The following EPHA6 variants were observed in gnomAD, a reference collection of about 807,000 sequenced individuals.
The protein encoded by EPHA6 is EPH receptor A6.
EPHA6 carries 50 observed loss-of-function variants against 112.0 expected under a neutral mutation model. The observed-to-expected ratio is 0.45, with a 90% CI of 0.36 to 0.56. The LOEUF (loss-of-function observed/expected upper bound fraction) is 0.56, where lower values mean the gene tolerates loss of function less well. Among genes scored for constraint, EPHA6 ranks in the 20% least tolerant of loss-of-function variants. EPHA6 has a pLI of 0.00. For missense variants in EPHA6, 1,280 were observed against 1,417.4 expected (o/e 0.90, Z 1.56); for synonymous variants, 529 against 490.7 (o/e 1.08, Z -1.03).
chr3:97,667,583 T>C (rs1260236368), intron 14 of EPHA6, among the ~76,000 whole-genome samples: 1 of 152,220 alleles, frequency 6.6e-6, no homozygotes, highest in Admixed American at 6.5e-5. Flanking sequence ...CCATTTACAA[T>C]TTAATTTAAA....
At chr3:97,222,790 A>C (rs2078245477) in intron 3 of EPHA6, among the ~76,000 whole-genome samples, 1 of 152,250 alleles carries the variant, frequency 6.6e-6, no homozygotes, top group Non-Finnish European at 1.5e-5. Context: ...GAGCACCTAC[A>C]TTATAACAAG....
chr3:97,720,089 G>A (rs1251334918), intron 14 of EPHA6, among the ~76,000 whole-genome samples, 172 bp from the exon 15 acceptor site: 1 of 152,086 alleles, frequency 6.6e-6, no homozygotes, highest in Non-Finnish European at 1.5e-5. Context: ...ATAATTATAG[G>A]AAATGTTTCT....
At chr3:96,826,027 C>T (rs1468207556) in intron 1 of EPHA6, among the ~76,000 whole-genome samples, 1 of 151,392 alleles carries the variant, frequency 6.6e-6, no homozygotes, top group African/African-American at 2.4e-5. Flanking sequence ...ATTGCAACAC[C>T]CTATTGCAGG....
intron 5 of EPHA6, among the ~76,000 whole-genome samples, chr3:97,374,905 G>A (rs1382705085): frequency 6.6e-6 from 1 of 151,954 alleles, no homozygotes; most frequent in African/African-American, 2.4e-5. Flanking sequence ...ACAATTTCTG[G>A]TTGGGGTTTG....
intron 2 of EPHA6, among the ~76,000 whole-genome samples, chr3:96,913,607 G>A (rs2039342038): frequency 6.6e-6 from 1 of 152,054 alleles, no homozygotes; most frequent in Non-Finnish European, 1.5e-5. Context: ...ATAATAAATT[G>A]TGAGCTGAGA....
At chr3:97,087,031 T>C (rs1245432284) in intron 3 of EPHA6, among the ~76,000 whole-genome samples, 26 of 152,168 alleles carry the variant, frequency 1.7e-4, no homozygotes, top group Admixed American at 1.6e-3. Flanking sequence ...CCTGTGGGCA[T>C]GTCACAAAGC....
At chr3:97,203,646 CA>C (rs914926948) in intron 3 of EPHA6, among the ~76,000 whole-genome samples, 2 of 151,706 alleles carry the variant, frequency 1.3e-5, no homozygotes, top group Non-Finnish European at 2.9e-5. Context: ...AGGGAAAAAA[CA>C]AAAAAACAGT....
At chr3:96,952,589 AAAGTT>A (rs1323904181) in intron 2 of EPHA6, among the ~76,000 whole-genome samples, 1 of 152,208 alleles carries the variant, frequency 6.6e-6, no homozygotes, top group Non-Finnish European at 1.5e-5. Flanking sequence ...TGAGCAAAAT[AAAGTT>A]ATTTTCTTAT....
chr3:97,071,742 T>C (rs1438071165), intron 3 of EPHA6, among the ~76,000 whole-genome samples: 11 of 152,024 alleles, frequency 7.2e-5, no homozygotes, highest in Admixed American at 3.3e-4. Context: ...TTTATTTCCA[T>C]AGGTTTTGAG....
intron 3 of EPHA6, among the ~76,000 whole-genome samples, chr3:97,109,138 G>A (rs114469388): frequency 1.9e-3 from 289 of 152,204 alleles, no homozygotes; most frequent in Middle Eastern, 6.8e-3. Flanking sequence ...TATTTGATTC[G>A]GGTTATAAAT....
intron 10 of EPHA6, among the ~76,000 whole-genome samples, chr3:97,500,040 T>C (rs1044707095): frequency 6.6e-6 from 1 of 152,170 alleles, no homozygotes. Context: ...TAAAAGATTA[T>C]CCTTATTTAT....
chr3:97,168,165 A>G (rs1446201806), intron 3 of EPHA6, among the ~76,000 whole-genome samples: 1 of 152,174 alleles, frequency 6.6e-6, no homozygotes, highest in Non-Finnish European at 1.5e-5. Flanking sequence ...ATCAATTGTT[A>G]TAAAGTTATT....
At chr3:96,893,875 C>T (rs2038116991) in intron 2 of EPHA6, among the ~76,000 whole-genome samples, 1 of 152,122 alleles carries the variant, frequency 6.6e-6, no homozygotes, top group South Asian at 2.1e-4. Flanking sequence ...ATGTTCATTA[C>T]ATGATGGAAA....
At chr3:97,202,645 T>C (rs1332733010) in intron 3 of EPHA6, among the ~76,000 whole-genome samples, 4 of 152,098 alleles carry the variant, frequency 2.6e-5, no homozygotes, top group Non-Finnish European at 5.9e-5. Flanking sequence ...GATATATGTC[T>C]TCTTTAGTGA....
In EPHA6 at chr3:96,866,876, A is replaced by T; in HGVS notation, c.437A>T (p.Tyr146Phe). The change falls in exon 2 of 18, where the codon TAT becomes TTT. Residue 146 changes from tyrosine to phenylalanine, a missense_variant. By Grantham distance (22) the Tyr-to-Phe change is conservative (BLOSUM62 3). Transcript: ENST00000389672. Reference sequence around the variant, plus strand: ...CTGGGAGAGCTAGGATGGAAAACATATCCATTAAATGGGGTAAGTTTAAAT... The same window carrying T: ...CTGGGAGAGCTAGGATGGAAAACATTTCCATTAAATGGGGTAAGTTTAAAT... ...TVLGELGWKT[Y>F]PLNGWDAITE... is the part of the protein sequence containing the mutation. 6.8e-7 allele frequency: 1 copy of T among 1,476,640 alleles called. No individual in the cohort carries two copies. Among genetic ancestry groups the T allele is most frequent in the South Asian group, 1.4e-5 (1 of 71,348 alleles). 91.5% of individuals were successfully genotyped at this position (1,476,640 alleles called of 1,614,324 possible).
At chr3:96,891,690 CAA>C (rs567489352) in intron 2 of EPHA6, among the ~76,000 whole-genome samples, 28 of 152,180 alleles carry the variant, frequency 1.8e-4, no homozygotes, top group Non-Finnish European at 3.4e-4. Flanking sequence ...GCATGGGCAA[CAA>C]GAGTGGAACT....
At chr3:97,063,296 T>G (rs1039135716) in intron 3 of EPHA6, among the ~76,000 whole-genome samples, 7 of 152,128 alleles carry the variant, frequency 4.6e-5, no homozygotes, top group Non-Finnish European at 1.0e-4. Flanking sequence ...GACATGGAAT[T>G]AACCCAAATC....
At chr3:97,126,787 A>G (rs1365572795) in intron 3 of EPHA6, among the ~76,000 whole-genome samples, 2 of 152,092 alleles carry the variant, frequency 1.3e-5, no homozygotes, top group African/African-American at 2.4e-5. Context: ...TAAAACTAGC[A>G]TATTAATTCA....
intron 14 of EPHA6, among the ~76,000 whole-genome samples, chr3:97,641,841 A>G (rs2094008693): frequency 6.6e-6 from 1 of 152,062 alleles, no homozygotes; most frequent in Non-Finnish European, 1.5e-5. Context: ...ATCAAACTGC[A>G]AGGCGGCAGC....
Sources: gnomAD v4.1 joint callset for allele counts (sites outside exome capture counted in the v4.1 genomes callset) on GRCh38, gnomAD v4.1.1 for gene constraint, MANE v1.5 for transcripts, NCBI Gene and HGNC (gene_info 2026-07-23, HGNC 2026-07-21) for gene names.